Variants in C4orf51 observed in about 807,000 individuals in gnomAD.
C4orf51 encodes chromosome 4 open reading frame 51.
A neutral mutation model predicts 25.2 loss-of-function variants in C4orf51; 25 were observed. The ratio of observed to expected loss-of-function variants is 0.99; its 90% CI spans 0.72 to 1.39. The LOEUF (loss-of-function observed/expected upper bound fraction) is 1.39, where lower values mean the gene tolerates loss of function less well. C4orf51 is among the 40% of genes most tolerant of loss of function. The pLI is 0.00. For missense variants in C4orf51, 252 were observed against 239.6 expected, an observed-to-expected ratio of 1.05 and a Z score of -0.34; for synonymous variants, 100 against 84.5, an observed-to-expected ratio of 1.18 and a Z score of -1.01.
At chr4:145,695,529 T>G in intron 1 of C4orf51, among the ~76,000 whole-genome samples, 1 of 152,218 alleles carries the variant, frequency 6.6e-6, no homozygotes, top group East Asian at 1.9e-4. Flanking sequence ...TTCTGTAGGT[T>G]GTCTGTTTAC....
rs777999702 is a variant in C4orf51 at position 145,770,320 on chromosome 4, AAATAAATAAATAAATAAATAAATAAAT to A, written n.167-665_167-639del. On this transcript the variant is annotated intron_variant and non_coding_transcript_variant, in intron 1 of 1. Transcript: ENST00000510096. ...TCTTAAAATAAATAAATAAATAAAT[AAATAAATAAATAAATAAATAAATAAAT>A]AAAATAGATCAGAACATGTGAGTTT... Among the ~76,000 whole-genome samples the A allele has an allele frequency of 4.7e-3, 694 of 146,194 alleles. 5 individuals are homozygous for A. Among genetic ancestry groups the A allele is most frequent in the Non-Finnish European group, 6.9e-3 (461 of 67,196 alleles).
rs574576322 is a variant in C4orf51, at chr4:145,769,650, T to C, written n.167-1338T>C. Among the ~76,000 whole-genome samples, 3 of 152,294 alleles carry C rather than the reference T, an allele frequency of 2.0e-5. No homozygotes were observed. The South Asian group carries it at 6.2e-4, about 32-fold the overall frequency. ...TTTCTGTCCTCATCTTGTTTTGCTATGTCTGTGGAAAGAGCCAGGGTGCCC... is the reference window on the plus strand; with the variant it reads ...TTTCTGTCCTCATCTTGTTTTGCTACGTCTGTGGAAAGAGCCAGGGTGCCC... On this transcript the variant is annotated intron_variant and non_coding_transcript_variant, in intron 1 of 1. Transcript: ENST00000510096.
At chr4:145,730,131 A>T (rs1240946663) in intron 5 of C4orf51, among the ~76,000 whole-genome samples, 166 bp downstream of exon 5, 1 of 152,236 alleles carries the variant, frequency 6.6e-6, no homozygotes, top group African/African-American at 2.4e-5. Context: ...AGCTGTTCTG[A>T]TAAGATAAAG....
At chr4:145,723,434 C>G (rs1034355824) in intron 2 of C4orf51, among the ~76,000 whole-genome samples, 1 of 151,928 alleles carries the variant, frequency 6.6e-6, no homozygotes, top group Non-Finnish European at 1.5e-5. Flanking sequence ...ACAGAATCAC[C>G]GAGAAGGTTG....
chr4:145,739,714 A>C (rs1732990483), intron 1 of C4orf51, among the ~76,000 whole-genome samples: 1 of 152,246 alleles, frequency 6.6e-6, no homozygotes, highest in Non-Finnish European at 1.5e-5. Flanking sequence ...TTTTTCCTCT[A>C]CTTCTAATAT....
In C4orf51 at chr4:145,732,668, G is replaced by C. The variant is rs879732569; in HGVS notation, c.*108G>C. The C allele has an allele frequency of 5.1e-5, 32 of 623,306 alleles. No homozygotes were observed. Among genetic ancestry groups the C allele is most frequent in the Middle Eastern group, 4.4e-4 (1 of 2,262 alleles). 38.6% of individuals were successfully genotyped at this position (623,306 alleles called of 1,614,324 possible). ...CCCCCCACCCGCCCCGCCCAGGAAC[G>C]TCTGGACCCTGGCAGGTTGGCTTTC... On this transcript the variant is annotated 3_prime_UTR_variant, in exon 6 of 6. Transcript: ENST00000438731.
intron 1 of C4orf51, chr4:145,764,754 C>G: frequency 1.8e-6 from 1 of 563,154 alleles, no homozygotes. Flanking sequence ...TTTTCTTGCC[C>G]TGAATCCCGG....
intron 1 of C4orf51, among the ~76,000 whole-genome samples, chr4:145,683,850 T>G (rs998330777): frequency 1.2e-4 from 18 of 152,192 alleles, no homozygotes; most frequent in African/African-American, 4.3e-4. Context: ...GCAATGATAT[T>G]TTAGATACAA....
chr4:145,721,509 A>G (rs1364599927), intron 2 of C4orf51, among the ~76,000 whole-genome samples: 1 of 152,148 alleles, frequency 6.6e-6, no homozygotes, highest in Non-Finnish European at 1.5e-5. Flanking sequence ...GACTCAGAAA[A>G]TATCAATGTC....
the C4orf51 span, among the ~76,000 whole-genome samples, chr4:145,782,734 C>T: frequency 6.6e-6 from 1 of 152,214 alleles, no homozygotes; most frequent in Non-Finnish European, 1.5e-5. Flanking sequence ...CTTCTGGCTT[C>T]TGAGTCCTTC....
At chr4:145,741,434 T>G (rs1020209349) in intron 1 of C4orf51, among the ~76,000 whole-genome samples, 1 of 152,194 alleles carries the variant, frequency 6.6e-6, no homozygotes, top group African/African-American at 2.4e-5. Context: ...GATATTTGGC[T>G]AACAGAAACT....
chr4:145,690,628 C>T (rs1729492012), intron 1 of C4orf51, among the ~76,000 whole-genome samples: 1 of 152,130 alleles, frequency 6.6e-6, no homozygotes, highest in South Asian at 2.1e-4. Context: ...CAAAAACTGA[C>T]AATTGGGACC....
intron 2 of C4orf51, among the ~76,000 whole-genome samples, chr4:145,720,424 C>T (rs960087953): frequency 1.3e-5 from 2 of 152,162 alleles, no homozygotes; most frequent in Non-Finnish European, 2.9e-5. Flanking sequence ...AAACCCCCCA[C>T]CTACACTCCC....
At chr4:145,737,099 TAA>T (rs113236527), downstream of C4orf51, among the ~76,000 whole-genome samples, 2 of 144,048 alleles carry the variant, frequency 1.4e-5, no homozygotes, top group Non-Finnish European at 3.1e-5. Flanking sequence ...TAGGCAGAGT[TAA>T]AAAAAAAAAA....
At chr4:145,696,532 C>A (rs1326067191) in intron 1 of C4orf51, 27 bp from the exon 2 acceptor site, 9 of 1,576,488 alleles carry the variant, frequency 5.7e-6, no homozygotes, top group Non-Finnish European at 7.8e-6. Flanking sequence ...AAATTTGTAA[C>A]TTGTTTCTTC....
intron 1 of C4orf51, among the ~76,000 whole-genome samples, chr4:145,683,724 ATACC>A (rs1728971828): frequency 6.6e-6 from 1 of 152,250 alleles, no homozygotes; most frequent in African/African-American, 2.4e-5. Flanking sequence ...CACAGACCTT[ATACC>A]ATTCACAAAA....
intron 1 of C4orf51, among the ~76,000 whole-genome samples, chr4:145,695,014 G>A (rs1180092676): frequency 6.6e-6 from 1 of 152,114 alleles, no homozygotes; most frequent in Non-Finnish European, 1.5e-5. Flanking sequence ...ATTACAGTTG[G>A]GAATATGGAA....
At chr4:145,776,986 T>C in the C4orf51 span, among the ~76,000 whole-genome samples, 2 of 152,204 alleles carry the variant, frequency 1.3e-5, no homozygotes, top group Non-Finnish European at 2.9e-5. Flanking sequence ...ATAAAGGTAA[T>C]AGCAGAAGAT....
chr4:145,709,370 C>T (rs1731008721), intron 2 of C4orf51, among the ~76,000 whole-genome samples: 1 of 152,186 alleles, frequency 6.6e-6, no homozygotes, highest in African/African-American at 2.4e-5. Context: ...CTGGCAGAGC[C>T]AGGGTTCCAA....
Sources: allele counts gnomAD v4.1 joint callset (sites outside exome capture counted in the v4.1 genomes callset), GRCh38; gene constraint gnomAD v4.1.1; transcripts MANE v1.5; gene names NCBI Gene and HGNC (gene_info 2026-07-23, HGNC 2026-07-21).